ARHGEF2: variants seen among roughly 807,000 people sequenced by gnomAD.
The protein encoded by ARHGEF2 is Rho/Rac guanine nucleotide exchange factor 2, also known as rho guanine nucleotide exchange factor 2.
ARHGEF2 carries 22 observed loss-of-function variants against 121.0 expected under a neutral mutation model. That is an observed-to-expected ratio of 0.18 (90% CI 0.13 to 0.26). The LOEUF (loss-of-function observed/expected upper bound fraction) is 0.26. Ranked by LOEUF, ARHGEF2 falls within the 10% of genes least tolerant of loss-of-function variation. The pLI, the probability that ARHGEF2 is intolerant of heterozygous loss-of-function variation, is 1.00. For synonymous variants in ARHGEF2, 487 were observed against 530.0 expected (o/e 0.92, Z 1.11); for missense variants, 907 against 1,336.0 (o/e 0.68, Z 5.01).
rs1177516048 is a variant in ARHGEF2 at position 155,978,304 on chromosome 1, G to A, written c.63+61C>T. On this transcript the variant is annotated intron_variant, in intron 1 of 21. Coordinates refer to ENST00000361247, the MANE Select transcript of ARHGEF2 (RefSeq NM_001162383.2). The surrounding 1 kb of genome is among the most constrained non-coding windows in gnomAD (Gnocchi z 4.1). ...CGGGGAGACAGGAGATGCACCGCGGGTGCCGGGGTTCGGGGAGCACCCGAG... is the reference window on the plus strand; with the variant it reads ...CGGGGAGACAGGAGATGCACCGCGGATGCCGGGGTTCGGGGAGCACCCGAG... 5 of 1,413,266 alleles carry A rather than the reference G, an allele frequency of 3.5e-6. No homozygotes were observed. Among genetic ancestry groups the A allele is most frequent in the Non-Finnish European group, 4.7e-6 (5 of 1,061,126 alleles). The allele number at this position is 1,413,266 out of a possible 1,614,324, so 87.5% of individuals were successfully genotyped here. A position where few individuals can be genotyped will look rare whatever the true frequency, so the allele number is the denominator to read the frequency against.
rs1277432727 is a variant in ARHGEF2, at chr1:155,952,757, T to C, written c.1855A>G (p.Thr619Ala). The C allele has an allele frequency of 1.2e-6, 2 of 1,614,074 alleles. No homozygotes were observed. Among genetic ancestry groups the C allele is most frequent in the East Asian group, 2.2e-5 (1 of 44,874 alleles). ...REKVGLFAEM[T>A]HFQAEEDGGS... ...CCATCCTCTTCGGCCTGGAAATGGG[T>C]CATCTCAGCAAACAGCCCGACCTTC... Residue 619 changes from threonine (T) to alanine (A), a missense_variant, in exon 15 of 22, where the codon ACC (threonine) becomes GCC (alanine). Thr to Ala is a moderately conservative substitution (Grantham distance 58). Coordinates refer to ENST00000361247, the MANE Select transcript of ARHGEF2 (RefSeq NM_001162383.2).
intron 1 of ARHGEF2, among the ~76,000 whole-genome samples, chr1:155,971,504 G>A (rs188697741): frequency 3.9e-4 from 59 of 150,414 alleles, no homozygotes; most frequent in Non-Finnish European, 1.8e-4. Flanking sequence ...GCTTGAACCG[G>A]GGAGGTTGGA....
At position 155,978,334 on chromosome 1, in the gene ARHGEF2, G is replaced by A. The variant is rs1376757618; in HGVS notation, c.63+31C>T. ...GGGGTTCGGGGAGCACCCGAGGACC[G>A]CGGCGAAAGGAGAGGGGTTTCCGAG... is the stretch of plus-strand genomic sequence containing the variant. On this transcript the variant is annotated intron_variant, in intron 1 of 21. Coordinates refer to ENST00000361247, the MANE Select transcript of ARHGEF2 (RefSeq NM_001162383.2). The surrounding 1 kb of genome is among the most constrained non-coding windows in gnomAD (Gnocchi z 4.1). 3 of 1,489,986 alleles carry A rather than the reference G, an allele frequency of 2.0e-6. No homozygotes were observed. Among genetic ancestry groups the A allele is most frequent in the South Asian group, 1.3e-5 (1 of 79,984 alleles). The allele number at this position is 1,489,986 out of a possible 1,614,324, so 92.3% of individuals were successfully genotyped here. A position where few individuals can be genotyped will look rare whatever the true frequency, so the allele number is the denominator to read the frequency against.
rs1678247880 is a variant in ARHGEF2, at chr1:155,962,820, T to C, written c.976-102A>G. 1 of 1,595,778 alleles carries C rather than the reference T, an allele frequency of 6.3e-7. No homozygotes were observed. The highest frequency in any genetic ancestry group is 1.3e-5 in the African/African-American group (1 of 74,590). ...CCTGCCAAACAGGCTGGCTTCCTGT[T>C]TCTCCAGCTCTCCCTGGCTCCCCTC... On this transcript the variant is annotated intron_variant, in intron 8 of 21. Coordinates refer to ENST00000361247, the MANE Select transcript of ARHGEF2 (RefSeq NM_001162383.2). This position sits in a 1 kb window ranked among gnomAD's most constrained non-coding sequence, Gnocchi z 5.8.
At position 155,951,809 on chromosome 1, in the gene ARHGEF2, G is replaced by T. The variant is rs774588626; in HGVS notation, c.2173-33C>A. 1 of 1,613,714 alleles carries T rather than the reference G, an allele frequency of 6.2e-7. No individual in the cohort carries two copies. Among genetic ancestry groups the T allele is most frequent in the Admixed American group, 1.7e-5 (1 of 59,998 alleles). On this transcript the variant is annotated intron_variant, in intron 17 of 21. Transcript: ENST00000361247. This position sits in a 1 kb window ranked among gnomAD's most constrained non-coding sequence, Gnocchi z 5.1. ...AATGGGCAAGAATGGGGAGTCAGCAGGCACACAAATCCTGGGTGCCTGCCC... is the reference window on the plus strand; with the variant it reads ...AATGGGCAAGAATGGGGAGTCAGCATGCACACAAATCCTGGGTGCCTGCCC...
At chr1:155,970,638 C>T in intron 1 of ARHGEF2, 2 of 985,574 alleles carry the variant, frequency 2.0e-6, no homozygotes, top group Non-Finnish European at 2.4e-6. Context: ...CTCTAGGAGA[C>T]CAGTACTGAC....
chr1:155,953,716 C>T (rs2102637188), intron 14 of ARHGEF2, among the ~76,000 whole-genome samples: 1 of 145,242 alleles, frequency 6.9e-6, no homozygotes, highest in African/African-American at 2.6e-5. Context: ...CACTGCACTC[C>T]ACCCTGGGCG....
In ARHGEF2 at chr1:155,951,567, C is replaced by T. The variant is rs1445999869; in HGVS notation, c.2209-34G>A. On this transcript the variant is annotated intron_variant, in intron 18 of 21. Transcript: ENST00000361247. This position sits in a 1 kb window ranked among gnomAD's most constrained non-coding sequence, Gnocchi z 5.1. ...AGACAGGGTGGGAACAGGGCCCCAG[C>T]TTTAGGATGGGAGAACTGCCCAAAA... is the stretch of plus-strand genomic sequence containing the variant. The T allele has an allele frequency of 6.2e-7, 1 of 1,614,094 alleles. No homozygotes were observed. Among genetic ancestry groups the T allele is most frequent in the Non-Finnish European group, 8.5e-7 (1 of 1,179,994 alleles).
At chr1:155,959,953 T>G (rs2102653818) in intron 11 of ARHGEF2, among the ~76,000 whole-genome samples, 1 of 152,266 alleles carries the variant, frequency 6.6e-6, no homozygotes, top group African/African-American at 2.4e-5. Context: ...TATTCCCACT[T>G]CTAATTTTGA....
chr1:155,970,912 C>T, intron 1 of ARHGEF2: 1 of 986,448 alleles, frequency 1.0e-6, no homozygotes, highest in Non-Finnish European at 1.2e-6. Flanking sequence ...TCCCCTCATG[C>T]ATCCTCCCCA....
At chr1:155,973,781 T>C (rs1044022863) in intron 1 of ARHGEF2, among the ~76,000 whole-genome samples, 32 of 150,488 alleles carry the variant, frequency 2.1e-4, no homozygotes, top group African/African-American at 6.8e-4. Context: ...GAAAGAAAGA[T>C]GGGAGCAATG....
Position 155,950,217 on chromosome 1 carries a change from G to A in ARHGEF2, c.2887+82C>T, listed in dbSNP as rs368997341. The A allele has an allele frequency of 6.5e-5, 99 of 1,527,216 alleles. 1 individual carries two copies. In the East Asian group the frequency reaches 1.5e-3, roughly 23 times the overall value. 94.6% of individuals were successfully genotyped at this position (1,527,216 alleles called of 1,614,324 possible). A position where few individuals can be genotyped will look rare whatever the true frequency, so the allele number is the denominator to read the frequency against. On this transcript the variant is annotated intron_variant, in intron 21 of 21. Coordinates refer to ENST00000361247, the MANE Select transcript of ARHGEF2 (RefSeq NM_001162383.2). The surrounding 1 kb of genome is among the most constrained non-coding windows in gnomAD (Gnocchi z 5.2). ...TACTACAAGCCTCACAGGTCAGTTA[G>A]GGCCCATTTGGAAGCCACAGCCCAA...
intron 14 of ARHGEF2, 39 bp downstream of exon 14, chr1:155,954,863 A>G: frequency 2.5e-6 from 4 of 1,568,886 alleles, no homozygotes; most frequent in Non-Finnish European, 3.5e-6. Flanking sequence ...GTGTGAATGT[A>G]TTATAAATTA....
At chr1:155,952,013 G>A (rs1675570732) in intron 16 of ARHGEF2, 27 bp from the exon 17 acceptor site, 2 of 1,614,034 alleles carry the variant, frequency 1.2e-6, no homozygotes, top group Non-Finnish European at 1.7e-6. Context: ...AAGGATGGCT[G>A]AGCTCACTTC....
At position 155,961,470 on chromosome 1, in the gene ARHGEF2, T is replaced by G. The variant is rs963846164; in HGVS notation, c.1468+191A>C. Among the ~76,000 whole-genome samples, 1 of 152,064 alleles carries G rather than the reference T, an allele frequency of 6.6e-6. No homozygotes were observed. Among genetic ancestry groups the G allele is most frequent in the African/African-American group, 2.4e-5 (1 of 41,400 alleles). On this transcript the variant is annotated intron_variant, in intron 11 of 21. Coordinates refer to ENST00000361247, the MANE Select transcript of ARHGEF2 (RefSeq NM_001162383.2). The surrounding 1 kb of genome is among the most constrained non-coding windows in gnomAD (Gnocchi z 4.7). ...TTTGTATTTTCAGTAGAGACAGGGTTTCACTGTGTTAGCCAGGATGGTCTC... is the reference window on the plus strand; with the variant it reads ...TTTGTATTTTCAGTAGAGACAGGGTGTCACTGTGTTAGCCAGGATGGTCTC...
At chr1:155,970,936 AT>A in intron 1 of ARHGEF2, 1 of 985,934 alleles carries the variant, frequency 1.0e-6, no homozygotes, top group Non-Finnish European at 1.2e-6. Flanking sequence ...CCAATCATCC[AT>A]TTTTCGCATC....
chr1:155,955,282 G>C (rs966345231), intron 13 of ARHGEF2, among the ~76,000 whole-genome samples: 1 of 151,960 alleles, frequency 6.6e-6, no homozygotes, highest in African/African-American at 2.4e-5. Flanking sequence ...GCACCACCAT[G>C]CCTGGCTAAT....
chr1:155,972,751 G>A (rs1296464083), intron 1 of ARHGEF2, among the ~76,000 whole-genome samples: 1 of 151,164 alleles, frequency 6.6e-6, no homozygotes, highest in Non-Finnish European at 1.5e-5. Context: ...GCCTGGACTG[G>A]AGTACATTGG....
chr1:155,949,319 C>T (rs944064189), intron 21 of ARHGEF2, among the ~76,000 whole-genome samples: 1 of 151,974 alleles, frequency 6.6e-6, no homozygotes, highest in Non-Finnish European at 1.5e-5. Flanking sequence ...CAGTGGCTCA[C>T]ATCTGTAATC....
Sources: gnomAD v4.1 joint callset for allele counts (sites outside exome capture counted in the v4.1 genomes callset) on GRCh38, gnomAD v4.1.1 for gene constraint, Gnocchi (gnomAD v3.1) non-coding constraint, MANE v1.5 for transcripts, NCBI Gene and HGNC (gene_info 2026-07-23, HGNC 2026-07-21) for gene names.